The following SLC24A2 variants were observed in gnomAD, a reference collection of about 807,000 sequenced individuals.
SLC24A2 encodes the protein sodium/potassium/calcium exchanger 2.
A neutral mutation model predicts 62.0 loss-of-function variants in SLC24A2; 36 were observed. The ratio of observed to expected loss-of-function variants is 0.58; its 90% CI spans 0.44 to 0.77. The LOEUF is 0.77. Ranked by LOEUF, SLC24A2 falls within the 30% of genes least tolerant of loss-of-function variation. SLC24A2 has a pLI of 0.00. For missense variants in SLC24A2, 846 were observed against 817.9 expected (o/e 1.03, Z -0.42); for synonymous variants, 358 against 294.0 (o/e 1.22, Z -2.23).
intron 8 of SLC24A2, among the ~76,000 whole-genome samples, chr9:19,546,345 GT>G (rs1834567810): frequency 6.6e-6 from 1 of 152,186 alleles, no homozygotes. Flanking sequence ...TTATCTATAT[GT>G]TTGGGGGTAC....
rs112519245 is a variant in SLC24A2 at position 19,527,389 on chromosome 9, C to T, written c.1569+660G>A. Among the ~76,000 whole-genome samples the T allele has an allele frequency of 2.9e-4, 44 of 152,158 alleles. 1 individual carries two copies. The highest frequency in any genetic ancestry group is 8.4e-4 in the African/African-American group (35 of 41,512). On this transcript the variant is annotated intron_variant, in intron 9 of 10. Coordinates refer to ENST00000341998, the MANE Select transcript of SLC24A2 (RefSeq NM_020344.4). ...AGTACCTGCTTCATAGGCTTTGAAC[C>T]TATGTATAGGGTTACTGTTAAGATT...
the SLC24A2 span, among the ~76,000 whole-genome samples, chr9:20,164,848 A>G: frequency 0.24 from 36,327 of 151,204 alleles, 5,274 homozygotes; most frequent in African/African-American, 0.41. Flanking sequence ...CATGGATGAA[A>G]TTGGAAATCA....
chr9:20,142,981 C>T, the SLC24A2 span, among the ~76,000 whole-genome samples: 2 of 152,226 alleles, frequency 1.3e-5, no homozygotes, highest in African/African-American at 4.8e-5. Flanking sequence ...TGCATGATCA[C>T]ATGTAAGCTT....
At chr9:19,551,677 C>T (rs542362163) in intron 7 of SLC24A2, among the ~76,000 whole-genome samples, 2 of 152,278 alleles carry the variant, frequency 1.3e-5, no homozygotes, top group Admixed American at 6.5e-5. Context: ...GTAACAGCGC[C>T]CCCCTCCAGC....
chr9:19,622,112 G>A, intron 3 of SLC24A2, 149 bp downstream of exon 3: 1 of 686,226 alleles, frequency 1.5e-6, no homozygotes, highest in Non-Finnish European at 2.7e-6. Flanking sequence ...TTGTAGCACG[G>A]AGTAGAAGTA....
At chr9:20,046,970 A>C in the SLC24A2 span, among the ~76,000 whole-genome samples, 1 of 152,140 alleles carries the variant, frequency 6.6e-6, no homozygotes, top group Non-Finnish European at 1.5e-5. Context: ...TGGAACAACC[A>C]GGAAGACCAC....
chr9:19,743,767 C>T (rs1397032409), intron 2 of SLC24A2, among the ~76,000 whole-genome samples: 1 of 152,064 alleles, frequency 6.6e-6, no homozygotes, highest in African/African-American at 2.4e-5. Context: ...TACTGCCTCT[C>T]CCAATTCAAA....
chr9:20,237,520 C>A, the SLC24A2 span, among the ~76,000 whole-genome samples: 1 of 152,096 alleles, frequency 6.6e-6, no homozygotes, highest in Admixed American at 6.5e-5. Flanking sequence ...AAGGAAGAAA[C>A]TTGGAAGGAT....
intron 4 of SLC24A2, among the ~76,000 whole-genome samples, chr9:19,612,108 T>C (rs773540773): frequency 2.0e-5 from 3 of 152,158 alleles, no homozygotes; most frequent in Non-Finnish European, 4.4e-5. Flanking sequence ...GCTGAGAGAA[T>C]TGAGTGAGAT....
the SLC24A2 span, among the ~76,000 whole-genome samples, chr9:19,936,035 G>A: frequency 3.0e-4 from 45 of 152,310 alleles, no homozygotes; most frequent in African/African-American, 1.1e-3. Context: ...ACTTGAGTAT[G>A]AGGGTACATG....
chr9:19,906,531 A>G, the SLC24A2 span, among the ~76,000 whole-genome samples: 1 of 152,142 alleles, frequency 6.6e-6, no homozygotes, highest in East Asian at 1.9e-4. Flanking sequence ...AAATCAATGA[A>G]TCCAGGAGCT....
the SLC24A2 span, among the ~76,000 whole-genome samples, chr9:19,825,230 A>G: frequency 1.3e-5 from 2 of 152,284 alleles, no homozygotes; most frequent in East Asian, 3.9e-4. Flanking sequence ...TCTAATAGCC[A>G]TTGTTTTAAC....
the SLC24A2 span, among the ~76,000 whole-genome samples, chr9:20,081,252 G>C: frequency 6.6e-6 from 1 of 151,964 alleles, no homozygotes; most frequent in Admixed American, 6.6e-5. Flanking sequence ...TGATAGACTG[G>C]ATTAAGAAAA....
intron 4 of SLC24A2, among the ~76,000 whole-genome samples, chr9:19,605,097 C>T (rs1220850914): frequency 2.0e-5 from 3 of 152,144 alleles, no homozygotes; most frequent in Non-Finnish European, 4.4e-5. Flanking sequence ...AATAGTTATG[C>T]ATCTTAGATT....
Position 19,786,487 on chromosome 9 carries a change from A to T in SLC24A2, c.380T>A (p.Leu127His), listed in dbSNP as rs779517494. Reference sequence around the variant, plus strand: ...GATCGCACCTTTTCTTCTCTCCTCAAGGGAAAAGATGTCTTTCGGGTAGTC... The same window carrying T: ...GATCGCACCTTTTCTTCTCTCCTCATGGGAAAAGATGTCTTTCGGGTAGTC... ...QGDYPKDIFSLEERRKGAIIL... is the reference protein window; with the variant it reads ...QGDYPKDIFSHEERRKGAIIL... The change falls in exon 2 of 11, where the codon CTT becomes CAT. Residue 127 changes from leucine (L) to histidine (H), a missense_variant. Physicochemically the swap from Leu to His is moderately conservative, Grantham distance 99. Coordinates refer to ENST00000341998, the MANE Select transcript of SLC24A2 (RefSeq NM_020344.4). This position sits in a 1 kb window ranked among gnomAD's most constrained non-coding sequence, Gnocchi z 5.0. The T allele has an allele frequency of 6.2e-7, 1 of 1,614,176 alleles. No individual in the cohort carries two copies. The highest frequency in any genetic ancestry group is 1.1e-5 in the South Asian group (1 of 91,086).
chr9:19,999,242 A>G, the SLC24A2 span, among the ~76,000 whole-genome samples: 1 of 152,204 alleles, frequency 6.6e-6, no homozygotes, highest in Non-Finnish European at 1.5e-5. Context: ...TAGGTGAGGC[A>G]TTTATTATCC....
At chr9:19,806,465 C>T in the SLC24A2 span, among the ~76,000 whole-genome samples, 1 of 152,104 alleles carries the variant, frequency 6.6e-6, no homozygotes, top group African/African-American at 2.4e-5. Flanking sequence ...CTTAAGAAAA[C>T]GTCACCATCT....
At chr9:19,945,209 C>T in the SLC24A2 span, among the ~76,000 whole-genome samples, 14 of 152,012 alleles carry the variant, frequency 9.2e-5, no homozygotes, top group African/African-American at 1.7e-4. Context: ...GGACAAGATG[C>T]CTTTGTTTTA....
chr9:19,696,944 GA>G (rs1820210561), intron 2 of SLC24A2, among the ~76,000 whole-genome samples: 1 of 152,038 alleles, frequency 6.6e-6, no homozygotes, highest in Non-Finnish European at 1.5e-5. Flanking sequence ...TACCTGGTTT[GA>G]AAATGTTATA....
Sources: gnomAD v4.1 joint callset for allele counts (sites outside exome capture counted in the v4.1 genomes callset) on GRCh38, gnomAD v4.1.1 for gene constraint, Gnocchi (gnomAD v3.1) non-coding constraint, MANE v1.5 for transcripts, NCBI Gene and HGNC (gene_info 2026-07-23, HGNC 2026-07-21) for gene names.